Variants in SLC44A1 observed in about 807,000 individuals in gnomAD.
The protein encoded by SLC44A1 is choline transporter-like protein 1.
A neutral mutation model predicts 79.3 loss-of-function variants in SLC44A1; 26 were observed. The observed-to-expected ratio is 0.33, with a 90% CI of 0.24 to 0.46. SLC44A1 has a LOEUF of 0.46. Ranked by LOEUF, SLC44A1 falls within the 20% of genes least tolerant of loss-of-function variation. The pLI is 1.00. For synonymous variants in SLC44A1, 263 were observed against 286.2 expected, an observed-to-expected ratio of 0.92 and a Z score of 0.82; for missense variants, 688 against 798.1, an observed-to-expected ratio of 0.86 and a Z score of 1.66.
At chr9:105,402,683 A>G (rs1828973101) in intron 15 of SLC44A1, among the ~76,000 whole-genome samples, 1 of 8,522 alleles carries the variant, frequency 1.2e-4, no homozygotes, top group Non-Finnish European at 2.6e-4. Context: ...GTAGTTGTAG[A>G]CAAACCTCTC....
chr9:105,380,711 C>T (rs541052129), intron 13 of SLC44A1, among the ~76,000 whole-genome samples: 4 of 152,192 alleles, frequency 2.6e-5, no homozygotes, highest in African/African-American at 9.6e-5. Context: ...CTCCCTAGGA[C>T]GTGGGTATCT....
rs187491195 is a variant in SLC44A1 at position 105,437,901 on chromosome 9, A to G, written c.1951-380A>G. Among the ~76,000 whole-genome samples the G allele has an allele frequency of 1.5e-4, 23 of 152,358 alleles. 1 individual carries two copies. In the East Asian group the frequency reaches 3.9e-3, roughly 26 times the overall value. ...AAAAACCTCTTTGTCAAAGAACAAT[A>G]CTAATGCCAACAGTGGCAAACACTA... On this transcript the variant is annotated intron_variant, in intron 15 of 15. Transcript: ENST00000374724.
intron 12 of SLC44A1, among the ~76,000 whole-genome samples, chr9:105,372,964 A>G (rs1588844393): frequency 1.3e-5 from 2 of 152,012 alleles, no homozygotes; most frequent in East Asian, 3.9e-4. Flanking sequence ...AAAAAAAAAA[A>G]AGAACCACAG....
intron 4 of SLC44A1, among the ~76,000 whole-genome samples, chr9:105,341,099 C>T (rs1298911951): frequency 6.6e-6 from 1 of 152,104 alleles, no homozygotes; most frequent in Non-Finnish European, 1.5e-5. Context: ...CTTTGGGTGG[C>T]CAAGGTGGGT....
intron 3 of SLC44A1, among the ~76,000 whole-genome samples, chr9:105,311,709 T>G (rs1831185246): frequency 1.3e-5 from 2 of 152,234 alleles, no homozygotes; most frequent in Non-Finnish European, 2.9e-5. Context: ...TACGCATGTT[T>G]AAAATTTATT....
In SLC44A1 at chr9:105,394,827, G is replaced by T; in HGVS notation, c.*5771G>T. On this transcript the variant is annotated 3_prime_UTR_variant, in exon 16 of 16. Coordinates refer to ENST00000374720, the MANE Select transcript of SLC44A1 (RefSeq NM_080546.5). ...TTTTCTTCCTGCATAAATCACGGAGGTGTGTTCTGTTTTAGTGTTTTCCAG... is the reference window on the plus strand; with the variant it reads ...TTTTCTTCCTGCATAAATCACGGAGTTGTGTTCTGTTTTAGTGTTTTCCAG... 1.0e-6 allele frequency: 1 copy of T among 985,432 alleles called. No individual in the cohort carries two copies. The highest frequency in any genetic ancestry group is 1.2e-6 in the Non-Finnish European group (1 of 829,934). 61.0% of individuals were successfully genotyped at this position (985,432 alleles called of 1,614,324 possible).
At chr9:105,258,603 A>G (rs747506348) in intron 1 of SLC44A1, among the ~76,000 whole-genome samples, 3 of 152,208 alleles carry the variant, frequency 2.0e-5, no homozygotes, top group African/African-American at 7.2e-5. Flanking sequence ...AAGGACTGCT[A>G]TATTAAATGG....
chr9:105,329,564 C>T (rs768353362), intron 3 of SLC44A1, among the ~76,000 whole-genome samples: 27 of 152,102 alleles, frequency 1.8e-4, no homozygotes, highest in Non-Finnish European at 3.5e-4. Context: ...GCCTTCAATT[C>T]GAGGGGCTGG....
At chr9:105,418,348 AAG>A (rs1383009771) in intron 15 of SLC44A1, among the ~76,000 whole-genome samples, 1 of 151,690 alleles carries the variant, frequency 6.6e-6, no homozygotes, top group Non-Finnish European at 1.5e-5. Context: ...AAGAAAGAAA[AAG>A]ATAATTAGAA....
At chr9:105,283,979 A>G (rs1830418370) in intron 1 of SLC44A1, among the ~76,000 whole-genome samples, 1 of 152,178 alleles carries the variant, frequency 6.6e-6, no homozygotes, top group South Asian at 2.1e-4. Flanking sequence ...GTGCAGCCTC[A>G]GTTCAGTAGC....
At chr9:105,413,649 C>T (rs1829127517) in intron 15 of SLC44A1, among the ~76,000 whole-genome samples, 1 of 152,180 alleles carries the variant, frequency 6.6e-6, no homozygotes, top group African/African-American at 2.4e-5. Context: ...CTTGTTTAAG[C>T]CACTATAATA....
At chr9:105,373,995 C>T (rs1029091429) in intron 12 of SLC44A1, among the ~76,000 whole-genome samples, 1 of 152,156 alleles carries the variant, frequency 6.6e-6, no homozygotes, top group Non-Finnish European at 1.5e-5. Context: ...GTGACAGTCT[C>T]ACTGGGATTG....
intron 13 of SLC44A1, among the ~76,000 whole-genome samples, chr9:105,379,096 G>A (rs1487148187): frequency 4.6e-5 from 7 of 152,204 alleles, no homozygotes; most frequent in Admixed American, 4.6e-4. Context: ...ACAACATGGC[G>A]AAACCCCATC....
chr9:105,337,118 A>T (rs895709871), intron 4 of SLC44A1, among the ~76,000 whole-genome samples: 1 of 152,154 alleles, frequency 6.6e-6, no homozygotes, highest in African/African-American at 2.4e-5. Context: ...CAGCCTCAAC[A>T]TTATAAGGTT....
At position 105,349,698 on chromosome 9, in the gene SLC44A1, A is replaced by G. The variant is rs368243106; in HGVS notation, c.500+1247A>G. On this transcript the variant is annotated intron_variant, in intron 5 of 15. Transcript: ENST00000374720. ...GAAAATTTATCCATATAAAAATTAG[A>G]AAAGCTCTATACCCTTATCTATCCA... 7.2e-5 allele frequency among the ~76,000 whole-genome samples: 11 copies of G among 152,348 alleles called. No individual in the cohort carries two copies. The East Asian group carries it at 1.9e-3, about 27-fold the overall frequency.
At chr9:105,344,200 T>A (rs1827180907) in intron 4 of SLC44A1, among the ~76,000 whole-genome samples, 1 of 152,216 alleles carries the variant, frequency 6.6e-6, no homozygotes, top group African/African-American at 2.4e-5. Flanking sequence ...TTAATTTTAA[T>A]CTATCCTGCA....
intron 1 of SLC44A1, among the ~76,000 whole-genome samples, chr9:105,257,182 C>T (rs994423967): frequency 1.1e-4 from 17 of 152,002 alleles, no homozygotes; most frequent in African/African-American, 3.9e-4. Flanking sequence ...CTGCAACCTC[C>T]GCATCCCGGG....
chr9:105,366,296 A>G (rs1389572219), intron 11 of SLC44A1, 50 bp from the exon 12 acceptor site: 1 of 949,968 alleles, frequency 1.1e-6, no homozygotes, highest in African/African-American at 1.7e-5. Flanking sequence ...CTTCTATGTG[A>G]CAGTTTGATT....
chr9:105,292,279 GT>G (rs1265912487), intron 1 of SLC44A1, among the ~76,000 whole-genome samples: 1 of 152,300 alleles, frequency 6.6e-6, no homozygotes, highest in East Asian at 1.9e-4. Flanking sequence ...AATCTCACCA[GT>G]GACATCTACA....
Sources: gnomAD v4.1 joint callset for allele counts (sites outside exome capture counted in the v4.1 genomes callset) on GRCh38, gnomAD v4.1.1 for gene constraint, MANE v1.5 for transcripts, NCBI Gene and HGNC (gene_info 2026-07-23, HGNC 2026-07-21) for gene names.